The following LARS2 variants were observed in gnomAD, a reference collection of about 807,000 sequenced individuals.
The protein encoded by LARS2 is leucine--tRNA ligase, mitochondrial.
Under a neutral mutation model 116.6 loss-of-function variants are expected in LARS2, and 81 were observed. The ratio of observed to expected loss-of-function variants is 0.69; its 90% CI spans 0.58 to 0.84. LARS2 has a LOEUF of 0.84. Ranked by LOEUF, LARS2 falls within the 40% of genes least tolerant of loss-of-function variation. The probability of loss-of-function intolerance (pLI) is 0.00; values close to 1 mark genes in which losing one functional copy is unlikely to be tolerated. For missense variants in LARS2, 968 were observed against 1,114.5 expected (o/e 0.87, Z 1.87); for synonymous variants, 396 against 407.2 (o/e 0.97, Z 0.33).
At chr3:45,412,462 A>G (rs188577522) in intron 4 of LARS2, among the ~76,000 whole-genome samples, 1 of 152,372 alleles carries the variant, frequency 6.6e-6, no homozygotes, top group African/African-American at 2.4e-5. Flanking sequence ...TGGTTACATC[A>G]TTGACGAGTA....
In LARS2 at chr3:45,458,818, C is replaced by T. The variant is rs764747411; in HGVS notation, c.682C>T (p.Arg228Cys). The stretch of plus-strand genomic sequence containing the variant: ...GGTGGATGAACATGGCTGTTCATGG[C>T]GTTCTGGAGCAAAGGTGGAACAGAA... ...EQVDEHGCSWRSGAKVEQKYL... is the reference protein window; with the variant it reads ...EQVDEHGCSWCSGAKVEQKYL... Residue 228 changes from arginine (R) to cysteine (C), a missense_variant, in exon 8 of 22, where the codon CGT becomes TGT. Transcript: ENST00000645846. 40 of 1,613,862 alleles carry T rather than the reference C, an allele frequency of 2.5e-5. No homozygotes were observed. The highest frequency in any genetic ancestry group is 3.3e-5 in the Admixed American group (2 of 59,988).
intron 6 of LARS2, among the ~76,000 whole-genome samples, chr3:45,439,174 C>T (rs1328430471): frequency 1.4e-5 from 2 of 140,454 alleles, no homozygotes; most frequent in Admixed American, 1.5e-4. Context: ...AATCATTTCT[C>T]TTCCAGCAAG....
intron 4 of LARS2, among the ~76,000 whole-genome samples, chr3:45,402,029 G>A (rs1698163033): frequency 6.6e-6 from 1 of 152,178 alleles, no homozygotes; most frequent in Admixed American, 6.5e-5. Flanking sequence ...TTCAAGAAGG[G>A]CTGAGAGCAT....
At chr3:45,448,612 C>T (rs1699060255) in intron 7 of LARS2, among the ~76,000 whole-genome samples, 1 of 152,214 alleles carries the variant, frequency 6.6e-6, no homozygotes, top group African/African-American at 2.4e-5. Flanking sequence ...GAAAGGGAGT[C>T]ATTAGCATTG....
At chr3:45,455,273 C>CCAGCACTTTGGGAGGCTGAAGCAGGCAGA (rs1553632003) in intron 7 of LARS2, among the ~76,000 whole-genome samples, 10 of 152,078 alleles carry the variant, frequency 6.6e-5, no homozygotes, top group Admixed American at 2.6e-4. Flanking sequence ...AAATACAGTC[C>CCAGCACTTTGGGAGGCTGAAGCAGGCAGA]TATTTGTTCT....
At chr3:45,426,652 T>C (rs1036308797) in intron 6 of LARS2, among the ~76,000 whole-genome samples, 1 of 152,164 alleles carries the variant, frequency 6.6e-6, no homozygotes, top group African/African-American at 2.4e-5. Flanking sequence ...ACACTTGCAG[T>C]TGACCTCATG....
chr3:45,500,384 A>AATTT (rs1286909445), intron 14 of LARS2, 58 bp from the exon 15 acceptor site: 7 of 1,541,438 alleles, frequency 4.5e-6, no homozygotes, highest in African/African-American at 4.2e-5. Flanking sequence ...AGGCCTGTTT[A>AATTT]ATTTACACAA....
rs1241617663 is a variant in LARS2 at position 45,419,742 on chromosome 3, T to C, written c.516+13T>C. On this transcript the variant is annotated intron_variant, in intron 6 of 21. Transcript: ENST00000645846. ...CAGCTGGGATAGGGTAAGTCAACTC[T>C]TTTTCCTGAAAGGTCGTCATTTTAA... 1 of 1,607,762 alleles carries C rather than the reference T, an allele frequency of 6.2e-7. No individual in the cohort carries two copies. The highest frequency in any genetic ancestry group is 1.1e-5 in the South Asian group (1 of 90,952).
intron 18 of LARS2, among the ~76,000 whole-genome samples, chr3:45,519,091 G>T (rs933593516): frequency 6.6e-6 from 1 of 152,188 alleles, no homozygotes; most frequent in Non-Finnish European, 1.5e-5. Flanking sequence ...CATCCTTAAA[G>T]ATGTGTTACT....
At position 45,499,977 on chromosome 3, in the gene LARS2, TTTTG is replaced by T. The variant is rs548918516; in HGVS notation, c.1623-439_1623-436del. ...ATATAAGCTTTTCTCATATATATAT[TTTTG>T]TTTGTTTGTTTGTTTGTTTGTTTGT... On this transcript the variant is annotated intron_variant, in intron 14 of 21. Coordinates refer to ENST00000645846, the MANE Select transcript of LARS2 (RefSeq NM_015340.4). 2.8e-3 allele frequency among the ~76,000 whole-genome samples: 431 copies of T among 152,070 alleles called. 2 individuals are homozygous for T. Among genetic ancestry groups the T allele is most frequent in the African/African-American group, 8.2e-3 (340 of 41,512 alleles).
intron 20 of LARS2, among the ~76,000 whole-genome samples, chr3:45,533,299 C>T (rs1023995885): frequency 2.6e-5 from 4 of 151,614 alleles, no homozygotes; most frequent in African/African-American, 4.8e-5. Flanking sequence ...TACAGGCCCC[C>T]GCCACCATAC....
At chr3:45,524,371 T>G (rs1349547756) in intron 20 of LARS2, among the ~76,000 whole-genome samples, 2 of 152,172 alleles carry the variant, frequency 1.3e-5, no homozygotes, top group Non-Finnish European at 2.9e-5. Flanking sequence ...TAATCCCTTC[T>G]CGTGACTCAG....
At chr3:45,421,079 G>T (rs1698505904) in intron 6 of LARS2, 1 of 152,042 alleles carries the variant, frequency 6.6e-6, no homozygotes, top group South Asian at 2.1e-4. Context: ...TAGCTGAGCA[G>T]TTTTTTGTTT....
rs1465683297 is a variant in LARS2 at position 45,520,179 on chromosome 3, G to T, written c.2215-40G>T. 2.8e-6 allele frequency: 4 copies of T among 1,436,296 alleles called. No individual in the cohort carries two copies. In the South Asian group the frequency reaches 3.5e-5, roughly 13 times the overall value. 89.0% of individuals were successfully genotyped at this position (1,436,296 alleles called of 1,614,324 possible). ...CAGTCTTTTTGTGGAAAGCTTAAAA[G>T]AATTTTGAAATAAGTAAATAATTGA... On this transcript the variant is annotated intron_variant, in intron 18 of 21. Coordinates refer to ENST00000645846, the MANE Select transcript of LARS2 (RefSeq NM_015340.4).
intron 6 of LARS2, 28 bp from the exon 7 acceptor site, chr3:45,446,854 TAATGGCCTG>T (rs762707616): frequency 7.7e-7 from 1 of 1,304,866 alleles, no homozygotes; most frequent in African/African-American, 1.5e-5. Flanking sequence ...GGGATGTTTA[TAATGGCCTG>T]TACATTATTT....
At chr3:45,388,911 T>TA (rs1181298462) in intron 1 of LARS2, 1 of 152,176 alleles carries the variant, frequency 6.6e-6, no homozygotes, top group Non-Finnish European at 1.5e-5. Flanking sequence ...AAAATGCACA[T>TA]ATACACGTAG....
chr3:45,540,258 C>CA (rs1001085047), intron 20 of LARS2, among the ~76,000 whole-genome samples: 17 of 146,228 alleles, frequency 1.2e-4, no homozygotes, highest in East Asian at 6.0e-4. Flanking sequence ...GACTCTGTCT[C>CA]AAAAAAAAAA....
In LARS2 at chr3:45,540,746, G is replaced by GTCTATCTA. The variant is rs3085493; in HGVS notation, c.2405-1033_2405-1026dup. 2.3e-3 allele frequency among the ~76,000 whole-genome samples: 350 copies of GTCTATCTA among 149,214 alleles called. 1 individual carries two copies. Among genetic ancestry groups the GTCTATCTA allele is most frequent in the African/African-American group, 6.7e-3 (268 of 40,162 alleles). ...AACAGAGGCTTGCATGTATCTATCT[G>GTCTATCTA]TCTATCTATCTATCTATCTATCTAT... On this transcript the variant is annotated intron_variant, in intron 20 of 21. Transcript: ENST00000645846.
intron 10 of LARS2, among the ~76,000 whole-genome samples, chr3:45,478,766 A>G (rs1482467): frequency 0.8 from 121,768 of 152,192 alleles, 52,874 homozygotes; most frequent in East Asian, 0.98. Context: ...GCAGATGTCA[A>G]TATATTCAAA....
Sources: allele counts gnomAD v4.1 joint callset (sites outside exome capture counted in the v4.1 genomes callset), GRCh38; gene constraint gnomAD v4.1.1; transcripts MANE v1.5; gene names NCBI Gene and HGNC (gene_info 2026-07-23, HGNC 2026-07-21).